Variants in ADGRL2 observed in about 807,000 individuals in gnomAD.
The protein encoded by ADGRL2 is adhesion G protein-coupled receptor L2.
A neutral mutation model predicts 157.4 loss-of-function variants in ADGRL2; 44 were observed. That is an observed-to-expected ratio of 0.28 (90% CI 0.22 to 0.36). The LOEUF is 0.36. ADGRL2 is among the 10% of genes least tolerant of loss of function. The pLI is 1.00. For missense variants in ADGRL2, 1,510 were observed against 1,768.9 expected (o/e 0.85, Z 2.63); for synonymous variants, 585 against 624.7 (o/e 0.94, Z 0.95).
At chr1:81,372,663 A>G (rs1570756264) in intron 1 of ADGRL2, among the ~76,000 whole-genome samples, 1 of 152,100 alleles carries the variant, frequency 6.6e-6, no homozygotes, top group South Asian at 2.1e-4. Flanking sequence ...TAAAGTACGA[A>G]TTTTCTGTTT....
intron 6 of ADGRL2, among the ~76,000 whole-genome samples, chr1:81,946,206 G>A (rs539323969): frequency 2.0e-5 from 3 of 151,476 alleles, no homozygotes; most frequent in South Asian, 4.2e-4. Flanking sequence ...TTATCCATTC[G>A]TTTTTTTTCA....
rs149120795 is a variant in ADGRL2, at chr1:81,779,543, C to T, written c.-101+17691C>T. Among the ~76,000 whole-genome samples, 79 of 152,228 alleles carry T rather than the reference C, an allele frequency of 5.2e-4. 1 individual carries two copies. The highest frequency in any genetic ancestry group is 1.8e-3 in the African/African-American group (75 of 41,546). ...GCCATAGCTCATTCTGTGCTTTAGT[C>T]TTGCTAAATTTTTATAGGTCTATTC... On this transcript the variant is annotated intron_variant, in intron 2 of 20. Transcript: ENST00000359929.
intron 2 of ADGRL2, among the ~76,000 whole-genome samples, chr1:81,767,431 T>A (rs1418000447): frequency 2.6e-5 from 4 of 152,162 alleles, no homozygotes. Context: ...ACATTTTTAC[T>A]TGTCGTAACT....
chr1:81,911,273 T>C (rs535509794), intron 3 of ADGRL2, among the ~76,000 whole-genome samples: 1 of 152,278 alleles, frequency 6.6e-6, no homozygotes, highest in East Asian at 1.9e-4. Context: ...GTTTTAATAT[T>C]TTATAGAACA....
At chr1:81,343,836 T>C (rs1249166009) in intron 1 of ADGRL2, among the ~76,000 whole-genome samples, 4 of 152,184 alleles carry the variant, frequency 2.6e-5, no homozygotes, top group Non-Finnish European at 5.9e-5. Flanking sequence ...CGTCTGAACC[T>C]AATTACCTCT....
At chr1:81,343,237 G>T (rs998638310) in intron 1 of ADGRL2, among the ~76,000 whole-genome samples, 1 of 151,218 alleles carries the variant, frequency 6.6e-6, no homozygotes, top group East Asian at 2.0e-4. Flanking sequence ...TTACAGGCAC[G>T]TGCCACCACG....
intron 3 of ADGRL2, among the ~76,000 whole-genome samples, chr1:81,639,926 G>A (rs958346490): frequency 7.9e-5 from 12 of 152,198 alleles, no homozygotes; most frequent in East Asian, 1.9e-4. Context: ...CTTCTTACAC[G>A]TAAATAAAAT....
In ADGRL2 at chr1:81,992,670, C is replaced by T; in HGVS notation, c.*1525C>T. On this transcript the variant is annotated 3_prime_UTR_variant, in exon 24 of 24. Transcript: ENST00000686636. ...AAGCATTTTTGTTTGTTGCATTGTACCAGGACTAAAAAAAGAAGGATTGGA... is the reference window on the plus strand; with the variant it reads ...AAGCATTTTTGTTTGTTGCATTGTATCAGGACTAAAAAAAGAAGGATTGGA... 6.6e-6 allele frequency among the ~76,000 whole-genome samples: 1 copy of T among 151,800 alleles called. No individual in the cohort carries two copies. The highest frequency in any genetic ancestry group is 1.9e-4 in the East Asian group (1 of 5,184).
intron 2 of ADGRL2, among the ~76,000 whole-genome samples, chr1:81,555,646 T>A (rs2080257385): frequency 1.3e-5 from 2 of 151,786 alleles, no homozygotes; most frequent in Admixed American, 6.6e-5. Flanking sequence ...AAGCAAAATA[T>A]CCCCCAAAGG....
At chr1:81,969,142 G>A (rs1035718995) in intron 14 of ADGRL2, 36 bp from the exon 15 acceptor site, 3 of 1,448,886 alleles carry the variant, frequency 2.1e-6, no homozygotes, top group South Asian at 1.2e-5. Context: ...ATGTAATGCA[G>A]GAATACTAAT....
intron 3 of ADGRL2, among the ~76,000 whole-genome samples, chr1:81,676,295 C>T (rs976956884): frequency 1.3e-5 from 2 of 152,094 alleles, no homozygotes; most frequent in African/African-American, 4.8e-5. Context: ...AGGTGAGAGC[C>T]ACCGCGCCCG....
intron 2 of ADGRL2, among the ~76,000 whole-genome samples, chr1:81,464,746 A>T (rs1312661566): frequency 6.6e-6 from 1 of 152,106 alleles, no homozygotes; most frequent in African/African-American, 2.4e-5. Flanking sequence ...TTTCCTTTTG[A>T]CAGGACTGCC....
chr1:81,993,087 A>ATTT lies in ADGRL2; in HGVS notation c.*1972_*1974dup, dbSNP rs71085382. Among the ~76,000 whole-genome samples the ATTT allele has an allele frequency of 4.1e-4, 12 of 29,200 alleles. No homozygotes were observed. Among genetic ancestry groups the ATTT allele is most frequent in the African/African-American group, 5.2e-4 (3 of 5,764 alleles). The allele number at this position is 29,200 out of a possible 152,430, so 19.2% of individuals were successfully genotyped here. A position where few individuals can be genotyped will look rare whatever the true frequency, so the allele number is the denominator to read the frequency against. On this transcript the variant is annotated 3_prime_UTR_variant, in exon 24 of 24. Coordinates refer to ENST00000686636, the MANE Select transcript of ADGRL2 (RefSeq NM_001366006.2). ...TATATATATATATATATATATATAT[A>ATTT]TTTTTTTTTTTTTTTTTTTTTTTTT...
chr1:81,453,800 G>T lies in ADGRL2; in HGVS notation c.-248+8711G>T, dbSNP rs576705541. ...AGTCATTTGTGGCATCATTAGCAATGTTGTGATGTCCCTTAAGGACAAAAC... is the reference window on the plus strand; with the variant it reads ...AGTCATTTGTGGCATCATTAGCAATTTTGTGATGTCCCTTAAGGACAAAAC... On this transcript the variant is annotated intron_variant, in intron 2 of 24. Transcript: ENST00000370721. Among the ~76,000 whole-genome samples the T allele has an allele frequency of 8.5e-5, 13 of 152,262 alleles. No homozygotes were observed. The South Asian group carries it at 2.5e-3, about 29-fold the overall frequency.
chr1:81,461,940 G>GGT (rs1553167005), intron 2 of ADGRL2, among the ~76,000 whole-genome samples: 1 of 145,210 alleles, frequency 6.9e-6, no homozygotes, highest in Non-Finnish European at 1.5e-5. Context: ...AGGGGGGGGG[G>GGT]GGTGGTGGAG....
rs556786864 is a variant in ADGRL2, at chr1:81,307,547, G to C, written c.-302+1038G>C. 6.6e-5 allele frequency among the ~76,000 whole-genome samples: 10 copies of C among 152,044 alleles called. No homozygotes were observed. In the East Asian group the frequency reaches 1.7e-3, roughly 26 times the overall value. On this transcript the variant is annotated intron_variant, in intron 1 of 24. Coordinates refer to the ADGRL2 transcript ENST00000370721. ...AAGTACTCCTTATTAATATAATTTT[G>C]CATTTATTACCTTATTTTTCTAAGA...
At chr1:81,931,024 C>A (rs1048704792) in intron 3 of ADGRL2, among the ~76,000 whole-genome samples, 2 of 152,144 alleles carry the variant, frequency 1.3e-5, no homozygotes, top group Non-Finnish European at 2.9e-5. Flanking sequence ...TGGCACATTC[C>A]TGTAGTCCCA....
intron 1 of ADGRL2, among the ~76,000 whole-genome samples, chr1:81,728,320 G>A (rs913936072): frequency 6.6e-6 from 1 of 152,144 alleles, no homozygotes; most frequent in African/African-American, 2.4e-5. Flanking sequence ...TTATGTGTTT[G>A]GGAATCATAT....
chr1:81,966,274 A>G (rs1657016899), intron 12 of ADGRL2, 91 bp downstream of exon 12: 3 of 1,558,718 alleles, frequency 1.9e-6, no homozygotes, highest in Non-Finnish European at 2.6e-6. Flanking sequence ...TATATAACAA[A>G]AAAACGGCTT....
Sources: allele counts gnomAD v4.1 joint callset (sites outside exome capture counted in the v4.1 genomes callset), GRCh38; gene constraint gnomAD v4.1.1; transcripts MANE v1.5; gene names NCBI Gene and HGNC (gene_info 2026-07-23, HGNC 2026-07-21).